ITGB6: variants seen among roughly 807,000 people sequenced by gnomAD.
The protein encoded by ITGB6 is integrin subunit beta 6, also known as integrin beta-6.
A neutral mutation model predicts 84.5 loss-of-function variants in ITGB6; 80 were observed. The ratio of observed to expected loss-of-function variants is 0.95; its 90% confidence interval spans 0.79 to 1.14. The LOEUF (loss-of-function observed/expected upper bound fraction) is 1.14. Among genes scored for constraint, ITGB6 ranks in the 50% most tolerant of loss-of-function variants. ITGB6 has a pLI of 0.00. For synonymous variants in ITGB6, 383 were observed against 354.9 expected, an observed-to-expected ratio of 1.08 and a Z score of -0.89; for missense variants, 1,006 against 968.0, an observed-to-expected ratio of 1.04 and a Z score of -0.52.
At chr2:160,143,266 C>G (rs1684068298) in intron 7 of ITGB6, among the ~76,000 whole-genome samples, 2 of 152,052 alleles carry the variant, frequency 1.3e-5, no homozygotes, top group South Asian at 4.2e-4. Context: ...GCCTGGGTGA[C>G]AAAGTGAGAC....
chr2:160,174,179 G>A, intron 4 of ITGB6, 40 bp from the exon 5 acceptor site: 1 of 1,441,178 alleles, frequency 6.9e-7, no homozygotes, highest in African/African-American at 1.4e-5. Context: ...GATGAAATAT[G>A]ATGCCACACA....
intron 13 of ITGB6, 101 bp downstream of exon 13, chr2:160,111,979 A>T: frequency 8.2e-7 from 1 of 1,219,150 alleles, no homozygotes; most frequent in Non-Finnish European, 1.2e-6. Context: ...AAAATTTTGG[A>T]AATGTCTTTC....
intron 4 of ITGB6, among the ~76,000 whole-genome samples, chr2:160,190,980 T>C (rs1367033646): frequency 6.6e-6 from 1 of 152,144 alleles, no homozygotes; most frequent in Non-Finnish European, 1.5e-5. Context: ...GCCCTACTAA[T>C]CTCTCTATGG....
rs1696724671 is a variant in ITGB6 at position 160,101,684 on chromosome 2, G to A, written c.*52C>T. Reference sequence around the variant, plus strand: ...AACAAAGAGAAAAAAATTAAATAGTGCATTAACATTTCATATCAGTGAAAC... The same window carrying A: ...AACAAAGAGAAAAAAATTAAATAGTACATTAACATTTCATATCAGTGAAAC... On this transcript the variant is annotated 3_prime_UTR_variant, in exon 15 of 15. Coordinates refer to ENST00000283249, the MANE Select transcript of ITGB6 (RefSeq NM_000888.5). The A allele has an allele frequency of 2.0e-6, 2 of 982,622 alleles. No individual in the cohort carries two copies. Among genetic ancestry groups the A allele is most frequent in the East Asian group, 4.8e-5 (2 of 41,808 alleles). 60.9% of individuals were successfully genotyped at this position (982,622 alleles called of 1,614,324 possible). A position where few individuals can be genotyped will look rare whatever the true frequency, so the allele number is the denominator to read the frequency against.
chr2:160,135,295 C>T (rs1392775469), intron 10 of ITGB6, among the ~76,000 whole-genome samples: 3 of 152,122 alleles, frequency 2.0e-5, no homozygotes, highest in African/African-American at 4.8e-5. Context: ...AGTGAACTCC[C>T]ATTCACAATT....
intron 7 of ITGB6, among the ~76,000 whole-genome samples, chr2:160,152,398 C>T (rs1443226856): frequency 6.6e-6 from 1 of 151,994 alleles, no homozygotes; most frequent in South Asian, 2.1e-4. Context: ...AAATTCAACA[C>T]CCTTCATGCT....
At chr2:160,120,167 A>G (rs1351635128) in intron 12 of ITGB6, among the ~76,000 whole-genome samples, 2 of 152,172 alleles carry the variant, frequency 1.3e-5, no homozygotes, top group East Asian at 1.9e-4. Context: ...CCATTACTGG[A>G]TATATACCCA....
chr2:160,172,565 A>G lies in ITGB6; in HGVS notation c.921+4T>C, dbSNP rs1685249583. 6.3e-7 allele frequency: 1 copy of G among 1,588,652 alleles called. No homozygotes were observed. The highest frequency in any genetic ancestry group is 8.6e-7 in the Non-Finnish European group (1 of 1,159,426). ...GAAAACAGTACAGAGTGCAGGTTACACACCAAGACAGTTGACATGGAGTAT... is the reference window on the plus strand; with the variant it reads ...GAAAACAGTACAGAGTGCAGGTTACGCACCAAGACAGTTGACATGGAGTAT... On this transcript the variant is annotated splice_donor_region_variant and intron_variant, in intron 6 of 14. Coordinates refer to ENST00000283249, the MANE Select transcript of ITGB6 (RefSeq NM_000888.5).
chr2:160,180,238 T>C (rs536271868), intron 4 of ITGB6, among the ~76,000 whole-genome samples: 1 of 152,132 alleles, frequency 6.6e-6, no homozygotes, highest in Non-Finnish European at 1.5e-5. Context: ...TGAAATAAAT[T>C]TTTAGTGTCT....
Position 160,195,481 on chromosome 2 carries a change from T to C in ITGB6, c.481A>G (p.Lys161Glu), listed in dbSNP as rs747510097. 1 of 1,614,196 alleles carries C rather than the reference T, an allele frequency of 6.2e-7. No individual in the cohort carries two copies. Among genetic ancestry groups the C allele is most frequent in the South Asian group, 1.1e-5 (1 of 91,086 alleles). ...TIKELGSRLSKEMSKLTSNFR... is the reference protein window; with the variant it reads ...TIKELGSRLSEEMSKLTSNFR... ...TTGCTGGTTAATTTAGACATCTCTTTGGAAAGCCGGGAGCCCAGCTCCTTT... is the reference window on the plus strand; with the variant it reads ...TTGCTGGTTAATTTAGACATCTCTTCGGAAAGCCGGGAGCCCAGCTCCTTT... Residue 161 changes from lysine (K) to glutamate (E), a missense_variant, in exon 4 of 15, where the codon AAA (lysine) becomes GAA (glutamate). Coordinates refer to ENST00000283249, the MANE Select transcript of ITGB6 (RefSeq NM_000888.5).
At position 160,107,128 on chromosome 2, in the gene ITGB6, G is replaced by GT. The variant is rs1235255196; in HGVS notation, c.2268+550dup. 8.5e-5 allele frequency among the ~76,000 whole-genome samples: 13 copies of GT among 152,072 alleles called. No homozygotes were observed. In the East Asian group the frequency reaches 1.7e-3, roughly 20 times the overall value. ...GTATTTAAAGGTTAATACTTTTGGG[G>GT]TTTTTTTCAGGTCTCTGTTTAAAAT... On this transcript the variant is annotated intron_variant, in intron 14 of 14. Coordinates refer to ENST00000283249, the MANE Select transcript of ITGB6 (RefSeq NM_000888.5).
At chr2:160,191,407 G>A (rs1461835208) in intron 4 of ITGB6, among the ~76,000 whole-genome samples, 2 of 152,148 alleles carry the variant, frequency 1.3e-5, no homozygotes, top group African/African-American at 4.8e-5. Context: ...TGAGATGCAA[G>A]TCTAAGGTGA....
At chr2:160,131,222 G>A (rs1157202963) in intron 10 of ITGB6, among the ~76,000 whole-genome samples, 1 of 152,122 alleles carries the variant, frequency 6.6e-6, no homozygotes, top group East Asian at 1.9e-4. Context: ...ATAATGGCAG[G>A]AAGTGTTTCT....
intron 7 of ITGB6, among the ~76,000 whole-genome samples, chr2:160,156,071 A>G (rs575357920): frequency 6.6e-6 from 1 of 152,354 alleles, no homozygotes; most frequent in East Asian, 1.9e-4. Flanking sequence ...AACAGAATGT[A>G]TGACTATTCC....
At chr2:160,148,884 C>T (rs1487059172) in intron 7 of ITGB6, among the ~76,000 whole-genome samples, 1 of 152,256 alleles carries the variant, frequency 6.6e-6, no homozygotes, top group Non-Finnish European at 1.5e-5. Context: ...GAGACAGCAG[C>T]CTGGCTGGGG....
intron 11 of ITGB6, among the ~76,000 whole-genome samples, chr2:160,124,159 A>C (rs1683146309): frequency 6.6e-6 from 1 of 152,252 alleles, no homozygotes; most frequent in Non-Finnish European, 1.5e-5. Flanking sequence ...TGATTGGTTA[A>C]GTAAACAAAC....
chr2:160,180,947 C>T (rs1685641702), intron 4 of ITGB6, among the ~76,000 whole-genome samples: 1 of 152,204 alleles, frequency 6.6e-6, no homozygotes, highest in Admixed American at 6.5e-5. Context: ...AGGAATGGTG[C>T]ATTCCAGCCC....
intron 13 of ITGB6, among the ~76,000 whole-genome samples, 182 bp downstream of exon 13, chr2:160,111,898 G>A (rs1405346008): frequency 6.6e-6 from 1 of 152,066 alleles, no homozygotes; most frequent in Non-Finnish European, 1.5e-5. Context: ...GTCTTAATAA[G>A]AGACACTGGA....
chr2:160,150,872 T>C (rs1188868567), intron 7 of ITGB6, among the ~76,000 whole-genome samples: 2 of 152,212 alleles, frequency 1.3e-5, no homozygotes, highest in South Asian at 2.1e-4. Flanking sequence ...CATTACATAA[T>C]GGTAAAGGGA....
Sources: gnomAD v4.1 joint callset for allele counts (sites outside exome capture counted in the v4.1 genomes callset) on GRCh38, gnomAD v4.1.1 for gene constraint, MANE v1.5 for transcripts, NCBI Gene and HGNC (gene_info 2026-07-23, HGNC 2026-07-21) for gene names.